KCNJ14: variants seen among roughly 807,000 people sequenced by gnomAD.
The protein encoded by KCNJ14 is ATP-sensitive inward rectifier potassium channel 14.
A neutral mutation model predicts 24.5 loss-of-function variants in KCNJ14; 18 were observed. That is an observed-to-expected ratio of 0.74 (90% CI 0.51 to 1.09). KCNJ14 has a LOEUF of 1.09. Among genes scored for constraint, KCNJ14 ranks in the 50% least tolerant of loss-of-function variants. KCNJ14 has a pLI of 0.00. For missense variants in KCNJ14, 633 were observed against 623.0 expected (o/e 1.02, Z -0.17); for synonymous variants, 288 against 270.8 (o/e 1.06, Z -0.63).
chr19:48,462,311 A>C lies in KCNJ14; in HGVS notation c.587A>C (p.Glu196Ala), dbSNP rs764934165. ...ATGGCCAAACCCAAGAAGCGCAACGAGACGCTGGTCTTCAGCGAGAACGCC... is the reference window on the plus strand; with the variant it reads ...ATGGCCAAACCCAAGAAGCGCAACGCGACGCTGGTCTTCAGCGAGAACGCC... ...AKMAKPKKRN[E>A]TLVFSENAVV... Residue 196 changes from glutamate to alanine, a missense_variant, in exon 2 of 3, where the codon GAG becomes GCG. Glu to Ala is a moderately radical substitution (Grantham distance 107). Transcript: ENST00000342291. This position sits in a 1 kb window ranked among gnomAD's most constrained non-coding sequence, Gnocchi z 4.9. 5.8e-6 allele frequency: 9 copies of C among 1,547,916 alleles called. No homozygotes were observed. In the African/African-American group the frequency reaches 1.2e-4, roughly 21 times the overall value.
At chr19:48,460,145 G>A (rs1971578985) in intron 1 of KCNJ14, among the ~76,000 whole-genome samples, 1 of 152,204 alleles carries the variant, frequency 6.6e-6, no homozygotes, top group Admixed American at 6.5e-5. Flanking sequence ...TCTCCATGCT[G>A]AGAAGCAGTT....
At position 48,464,191 on chromosome 19, in the gene KCNJ14, C is replaced by T; in HGVS notation, c.725C>T (p.Thr242Ile). The T allele has an allele frequency of 1.9e-6, 3 of 1,613,660 alleles. No homozygotes were observed. Among genetic ancestry groups the T allele is most frequent in the South Asian group, 1.1e-5 (1 of 91,068 alleles). ...CGCCTCCTGCTGCAGCCCCGTGTGA[C>T]CCCAGAGGGTGAGTACATCCCGCTG... ...VRAQLLQPRV[T>I]PEGEYIPLDH... is the part of the protein sequence containing the mutation. Residue 242 changes from threonine (T) to isoleucine (I), a missense_variant, in exon 3 of 3, where the codon ACC (threonine) becomes ATC (isoleucine). Coordinates refer to ENST00000342291, the MANE Select transcript of KCNJ14 (RefSeq NM_013348.4).
chr19:48,463,396 C>T (rs1010057559), intron 2 of KCNJ14, among the ~76,000 whole-genome samples: 2 of 152,134 alleles, frequency 1.3e-5, no homozygotes, highest in Admixed American at 1.3e-4. Flanking sequence ...CTGCCTGAAG[C>T]TTTGAGATAC....
chr19:48,458,851 T>A (rs1971562288), intron 1 of KCNJ14, among the ~76,000 whole-genome samples: 1 of 148,416 alleles, frequency 6.7e-6, no homozygotes, highest in South Asian at 2.1e-4. Flanking sequence ...CAAGAGAATC[T>A]CTTGTACCCA....
rs375438796 is a variant in KCNJ14 at position 48,464,498 on chromosome 19, C to A, written c.1032C>A (p.Val344=). Residue 344 remains valine, a synonymous_variant, in exon 3 of 3, where the codon GTC becomes GTA. Coordinates refer to ENST00000342291, the MANE Select transcript of KCNJ14 (RefSeq NM_013348.4). ...VLFQRGSQYE[V]DYRHFHRTYE... is the part of the protein sequence containing the mutation. Reference sequence around the variant, plus strand: ...TCCAGCGTGGCTCCCAGTATGAGGTCGACTATCGCCACTTCCATCGCACTT... The same window carrying A: ...TCCAGCGTGGCTCCCAGTATGAGGTAGACTATCGCCACTTCCATCGCACTT... The A allele has an allele frequency of 6.2e-7, 1 of 1,614,096 alleles. No homozygotes were observed. The highest frequency in any genetic ancestry group is 1.7e-5 in the Admixed American group (1 of 60,006).
At chr19:48,458,103 T>C (rs866744202) in intron 1 of KCNJ14, among the ~76,000 whole-genome samples, 3 of 152,268 alleles carry the variant, frequency 2.0e-5, no homozygotes, top group African/African-American at 7.2e-5. Context: ...CATTAGTTGG[T>C]TGATACTTGG....
In KCNJ14 at chr19:48,462,102, C is replaced by T; in HGVS notation, c.378C>T (p.Pro126=). ...TGGCCGCCCCGCCACCGCCCGCGCC[C>T]TGCTTCTCACACGTGGCCAGCTTCC... The part of the protein sequence containing the change: ...GDLAAPPPPA[P]CFSHVASFLA... The change falls in exon 2 of 3, where the codon CCC becomes CCT. Residue 126 remains proline (P), a synonymous_variant. Coordinates refer to ENST00000342291, the MANE Select transcript of KCNJ14 (RefSeq NM_013348.4). This position sits in a 1 kb window ranked among gnomAD's most constrained non-coding sequence, Gnocchi z 4.9. 6.2e-7 allele frequency: 1 copy of T among 1,601,806 alleles called. No homozygotes were observed. Among genetic ancestry groups the T allele is most frequent in the Non-Finnish European group, 8.5e-7 (1 of 1,175,726 alleles).
Position 48,464,422 on chromosome 19 carries a change from C to A in KCNJ14, c.956C>A (p.Ser319Tyr). ...GCCATGACCACACAGTGTCGCTCGT[C>A]CTACCTCCCTGGTGAACTGCTCTGG... Reference protein sequence around the residue: ...ATAMTTQCRSSYLPGELLWGH... With the variant: ...ATAMTTQCRSYYLPGELLWGH... Residue 319 changes from serine to tyrosine, a missense_variant, in exon 3 of 3, where the codon TCC becomes TAC. Coordinates refer to ENST00000342291, the MANE Select transcript of KCNJ14 (RefSeq NM_013348.4). The A allele has an allele frequency of 6.2e-7, 1 of 1,613,684 alleles. No individual in the cohort carries two copies. Among genetic ancestry groups the A allele is most frequent in the Non-Finnish European group, 8.5e-7 (1 of 1,179,864 alleles).
chr19:48,464,946 A>G lies in KCNJ14; in HGVS notation c.*169A>G. On this transcript the variant is annotated 3_prime_UTR_variant, in exon 3 of 3. Transcript: ENST00000342291. ...CCATGCCTGGTGACCCACCATGGACATACTGGACCTTAATTCCTCTGCTTC... is the reference window on the plus strand; with the variant it reads ...CCATGCCTGGTGACCCACCATGGACGTACTGGACCTTAATTCCTCTGCTTC... 1.6e-6 allele frequency: 1 copy of G among 610,954 alleles called. No homozygotes were observed. Among genetic ancestry groups the G allele is most frequent in the Non-Finnish European group, 2.9e-6 (1 of 344,730 alleles). 37.8% of individuals were successfully genotyped at this position (610,954 alleles called of 1,614,324 possible). A position where few individuals can be genotyped will look rare whatever the true frequency, so the allele number is the denominator to read the frequency against.
chr19:48,466,305 C>T lies in KCNJ14; in HGVS notation c.*1528C>T, dbSNP rs1248323227. ...ATGTTGGCGAGGTTGGTCTTGAACT[C>T]CCGACCTCAGATGATCCACCTGCCT... is the stretch of plus-strand genomic sequence containing the variant. On this transcript the variant is annotated 3_prime_UTR_variant, in exon 3 of 3. Transcript: ENST00000342291. The T allele has an allele frequency of 6.6e-6, 1 of 151,986 alleles. No individual in the cohort carries two copies. The highest frequency in any genetic ancestry group is 2.4e-5 in the African/African-American group (1 of 41,410). 9.4% of individuals were successfully genotyped at this position (151,986 alleles called of 1,614,324 possible).
chr19:48,464,250 G>C lies in KCNJ14; in HGVS notation c.784G>C (p.Gly262Arg), dbSNP rs201145708. The change falls in exon 3 of 3, where the codon GGC (glycine) becomes CGC (arginine). Residue 262 changes from glycine to arginine, a missense_variant. Coordinates refer to ENST00000342291, the MANE Select transcript of KCNJ14 (RefSeq NM_013348.4). The stretch of plus-strand genomic sequence containing the variant: ...GGATGTGGATGTGGGCTTTGATGGA[G>C]GCACCGATCGTATCTTCCTCGTGTC... Reference protein sequence around the residue: ...HQDVDVGFDGGTDRIFLVSPI... With the variant: ...HQDVDVGFDGRTDRIFLVSPI... The C allele has an allele frequency of 6.2e-7, 1 of 1,614,026 alleles. No individual in the cohort carries two copies. Among genetic ancestry groups the C allele is most frequent in the African/African-American group, 1.3e-5 (1 of 74,898 alleles).
chr19:48,466,904 C>T lies in KCNJ14; in HGVS notation c.*2127C>T, dbSNP rs1184224176. On this transcript the variant is annotated 3_prime_UTR_variant, in exon 3 of 3. Coordinates refer to ENST00000342291, the MANE Select transcript of KCNJ14 (RefSeq NM_013348.4). ...GGGAGGAGGAGGTAGCTCTGGACAC[C>T]AGGGTTCTTCCCATTGTGGGAGAGT... 1 of 152,278 alleles carries T rather than the reference C, an allele frequency of 6.6e-6. No homozygotes were observed. The highest frequency in any genetic ancestry group is 1.5e-5 in the Non-Finnish European group (1 of 68,072). 9.4% of individuals were successfully genotyped at this position (152,278 alleles called of 1,614,324 possible).
At chr19:48,463,034 T>C (rs930183987) in intron 2 of KCNJ14, among the ~76,000 whole-genome samples, 4 of 152,186 alleles carry the variant, frequency 2.6e-5, no homozygotes, top group African/African-American at 9.6e-5. Flanking sequence ...TGGCCCATTG[T>C]GTCCCACCAG....
chr19:48,459,570 T>G (rs1201463631), intron 1 of KCNJ14, among the ~76,000 whole-genome samples: 1 of 152,024 alleles, frequency 6.6e-6, no homozygotes, highest in Non-Finnish European at 1.5e-5. Flanking sequence ...AATTTTTTAA[T>G]TTTTTTGTAG....
rs1436599822 is a variant in KCNJ14, at chr19:48,464,600, G to C, written c.1134G>C (p.Lys378Asn). Residue 378 changes from lysine (K) to asparagine (N), a missense_variant, in exon 3 of 3, where the codon AAG (lysine) becomes AAC (asparagine). Lys to Asn is a moderately conservative substitution (Grantham distance 94). Coordinates refer to ENST00000342291, the MANE Select transcript of KCNJ14 (RefSeq NM_013348.4). Reference protein sequence around the residue: ...ERAEQASHSLKSSFPGSLTAF... With the variant: ...ERAEQASHSLNSSFPGSLTAF... ...CAGAGCAGGCTTCCCACAGCCTCAA[G>C]TCTAGTTTCCCCGGCTCTCTGACTG... 8.7e-6 allele frequency: 14 copies of C among 1,614,028 alleles called. No individual in the cohort carries two copies. In the East Asian group the frequency reaches 3.1e-4, roughly 36 times the overall value.
At chr19:48,457,906 G>A (rs773461564) in intron 1 of KCNJ14, among the ~76,000 whole-genome samples, 2 of 151,874 alleles carry the variant, frequency 1.3e-5, no homozygotes, top group African/African-American at 2.4e-5. Context: ...AGCTGGTCTC[G>A]AACTCCTGAC....
chr19:48,464,362 T>A lies in KCNJ14; in HGVS notation c.896T>A (p.Leu299Gln). The change falls in exon 3 of 3, where the codon CTG becomes CAG. Residue 299 changes from leucine to glutamine, a missense_variant. Transcript: ENST00000342291. The stretch of plus-strand genomic sequence containing the variant: ...GAGCTGGCCAGGGCTGACTTTGAGC[T>A]GGTGGTCATTCTCGAGGGGATGGTT... ...RAELARADFE[L>Q]VVILEGMVEA... The A allele has an allele frequency of 6.2e-7, 1 of 1,613,224 alleles. No individual in the cohort carries two copies. Among genetic ancestry groups the A allele is most frequent in the Non-Finnish European group, 8.5e-7 (1 of 1,179,596 alleles).
At chr19:48,459,310 T>TTATA (rs975244025) in intron 1 of KCNJ14, among the ~76,000 whole-genome samples, 7 of 152,038 alleles carry the variant, frequency 4.6e-5, no homozygotes, top group Non-Finnish European at 1.0e-4. Flanking sequence ...CAAGGGCTCT[T>TTATA]TATATAGTCT....
chr19:48,461,528 C>CAAAAAAAAAAAAAAAAAAAAA (rs34391014), intron 1 of KCNJ14, 142 bp from the exon 2 acceptor site: 1 of 150,146 alleles, frequency 6.7e-6, no homozygotes, highest in Admixed American at 1.3e-4. Context: ...ACTCTGTCTC[C>CAAAAAAAAAAAAAAAAAAAAA]AAAAAAAAAA....
Sources: allele counts gnomAD v4.1 joint callset (sites outside exome capture counted in the v4.1 genomes callset), GRCh38; gene constraint gnomAD v4.1.1; non-coding constraint Gnocchi (gnomAD v3.1); transcripts MANE v1.5; gene names NCBI Gene and HGNC (gene_info 2026-07-23, HGNC 2026-07-21).